ARHGAP35: variants seen among roughly 807,000 people sequenced by gnomAD.
ARHGAP35 encodes rho GTPase-activating protein 35.
In ARHGAP35, 15 loss-of-function variants were observed where a neutral mutation model predicts 111.1. The ratio of observed to expected loss-of-function variants is 0.13; its 90% CI spans 0.09 to 0.21. The LOEUF is 0.21. Among genes scored for constraint, ARHGAP35 ranks in the 10% least tolerant of loss-of-function variants. The pLI is 1.00. For missense variants in ARHGAP35, 1,262 were observed against 1,873.0 expected, an observed-to-expected ratio of 0.67 and a Z score of 6.02; for synonymous variants, 643 against 710.3, an observed-to-expected ratio of 0.91 and a Z score of 1.51.
chr19:46,999,320 G>T lies in ARHGAP35; in HGVS notation c.4053G>T (p.Glu1351Asp). ...LVEAHKINDR[E>D]QKLHALKEVL... ...TCTCCTCAGAAATCAACGACCGGGA[G>T]CAGAAGTTGCATGCCCTTAAGGAGG... The change falls in exon 6 of 7, where the codon GAG becomes GAT. Residue 1351 changes from glutamate (E) to aspartate (D), a missense_variant. Physicochemically the swap from Glu to Asp is conservative, Grantham distance 45. Around this residue, in one of 8 missense-constraint regions of ARHGAP35, gnomAD observed 50 missense variants for 60.5 expected, o/e 0.83. Transcript: ENST00000672722. This position sits in a 1 kb window ranked among gnomAD's most constrained non-coding sequence, Gnocchi z 5.4. The T allele has an allele frequency of 6.3e-7, 1 of 1,589,134 alleles. No individual in the cohort carries two copies. Among genetic ancestry groups the T allele is most frequent in the African/African-American group, 1.3e-5 (1 of 74,534 alleles).
chr19:46,870,791 A>G (rs2055883522), intron 1 of ARHGAP35, among the ~76,000 whole-genome samples: 1 of 152,106 alleles, frequency 6.6e-6, no homozygotes, highest in Non-Finnish European at 1.5e-5. Context: ...GATGTTATGT[A>G]TATACAAGGT....
intron 1 of ARHGAP35, among the ~76,000 whole-genome samples, chr19:46,878,938 A>C (rs994043798): frequency 1.3e-5 from 2 of 152,190 alleles, no homozygotes; most frequent in Admixed American, 6.5e-5. Flanking sequence ...GCAGCAGTGA[A>C]GTTTGCTACA....
chr19:46,871,883 G>A (rs1282922466), intron 1 of ARHGAP35, among the ~76,000 whole-genome samples: 2 of 151,936 alleles, frequency 1.3e-5, no homozygotes, highest in Non-Finnish European at 2.9e-5. Context: ...GGGAGGCTGA[G>A]GCAGGAGAAT....
At chr19:46,893,418 C>T (rs2056036135) in intron 1 of ARHGAP35, among the ~76,000 whole-genome samples, 1 of 152,042 alleles carries the variant, frequency 6.6e-6, no homozygotes, top group South Asian at 2.1e-4. Flanking sequence ...TAGGTTGCCA[C>T]CAGACAAGAC....
chr19:46,865,149 A>G (rs1177502836), intron 1 of ARHGAP35, among the ~76,000 whole-genome samples: 1 of 152,180 alleles, frequency 6.6e-6, no homozygotes, highest in Non-Finnish European at 1.5e-5. Flanking sequence ...GTGCTACAGA[A>G]ATGTGAGGTG....
chr19:46,904,007 G>A (rs1284615879), intron 1 of ARHGAP35, among the ~76,000 whole-genome samples: 1 of 152,066 alleles, frequency 6.6e-6, no homozygotes, highest in African/African-American at 2.4e-5. Flanking sequence ...GTGAGGGGTG[G>A]AGATTATTGC....
rs1421321566 is a variant in ARHGAP35 at position 46,993,214 on chromosome 19, T to C, written c.4036+3539T>C. Reference sequence around the variant, plus strand: ...GAGTGAGGTCTTGGCCTTGGAGTTGTTTACCACCTGGGGCGGGGAGAGCCG... The same window carrying C: ...GAGTGAGGTCTTGGCCTTGGAGTTGCTTACCACCTGGGGCGGGGAGAGCCG... On this transcript the variant is annotated intron_variant, in intron 5 of 6. Coordinates refer to ENST00000672722, the MANE Select transcript of ARHGAP35 (RefSeq NM_004491.5). The surrounding 1 kb of genome is among the most constrained non-coding windows in gnomAD (Gnocchi z 4.6). 6.6e-6 allele frequency among the ~76,000 whole-genome samples: 1 copy of C among 152,244 alleles called. No homozygotes were observed. Among genetic ancestry groups the C allele is most frequent in the Non-Finnish European group, 1.5e-5 (1 of 68,038 alleles).
At chr19:46,904,004 G>T (rs560830242) in intron 1 of ARHGAP35, among the ~76,000 whole-genome samples, 2 of 152,190 alleles carry the variant, frequency 1.3e-5, no homozygotes, top group South Asian at 4.1e-4. Context: ...TTAGTGAGGG[G>T]TGGAGATTAT....
intron 1 of ARHGAP35, among the ~76,000 whole-genome samples, chr19:46,893,503 C>CTGAAGAA (rs1444483494): frequency 3.3e-5 from 5 of 151,968 alleles, no homozygotes; most frequent in African/African-American, 1.2e-4. Flanking sequence ...ATTCTGTCAT[C>CTGAAGAA]TGAAGAATGG....
intron 3 of ARHGAP35, among the ~76,000 whole-genome samples, chr19:46,971,150 A>G (rs777552448): frequency 1.3e-5 from 2 of 152,176 alleles, no homozygotes; most frequent in Non-Finnish European, 2.9e-5. Context: ...ACTGACGCCT[A>G]TAATGCCAGC....
intron 1 of ARHGAP35, among the ~76,000 whole-genome samples, chr19:46,906,193 C>T (rs1186305555): frequency 6.6e-6 from 1 of 152,030 alleles, no homozygotes; most frequent in Non-Finnish European, 1.5e-5. Flanking sequence ...GCATGGTGGC[C>T]CAGCTACTTG....
intron 1 of ARHGAP35, among the ~76,000 whole-genome samples, chr19:46,897,174 C>T (rs2056062034): frequency 6.6e-6 from 1 of 151,648 alleles, no homozygotes; most frequent in African/African-American, 2.4e-5. Context: ...GCTGGGGTTA[C>T]AGGCGTGAGC....
chr19:46,936,845 C>CT (rs570390790), intron 2 of ARHGAP35, among the ~76,000 whole-genome samples: 4,076 of 128,426 alleles, frequency 0.032, 95 homozygotes, highest in African/African-American at 0.049. Context: ...TTCTTGAAAT[C>CT]TTTTTTTTTT....
chr19:46,987,848 G>T (rs977513671), intron 3 of ARHGAP35, 141 bp from the exon 4 acceptor site: 1 of 660,244 alleles, frequency 1.5e-6, no homozygotes, highest in Non-Finnish European at 2.6e-6. Context: ...AAAATCAAAC[G>T]AGAGTGTGCT....
chr19:47,003,234 C>T lies in ARHGAP35; in HGVS notation c.*2546C>T, dbSNP rs112174007. On this transcript the variant is annotated 3_prime_UTR_variant, in exon 7 of 7. Transcript: ENST00000672722. ...CACTTGCATGGGAGCCACAGAGGAG[C>T]GTCCCTGGGGATTGTTGGGACCATG... is the stretch of plus-strand genomic sequence containing the variant. 0.032 allele frequency: 4,932 copies of T among 152,386 alleles called. 195 individuals are homozygous for T. The highest frequency in any genetic ancestry group is 0.092 in the African/African-American group (3,838 of 41,530). 9.4% of individuals were successfully genotyped at this position (152,386 alleles called of 1,614,324 possible).
intron 1 of ARHGAP35, among the ~76,000 whole-genome samples, chr19:46,878,481 G>A (rs2055939051): frequency 6.6e-6 from 1 of 151,728 alleles, no homozygotes; most frequent in South Asian, 2.1e-4. Flanking sequence ...ACCACGCTTG[G>A]CTAATTTTTG....
chr19:46,889,026 C>A (rs1409631444), intron 1 of ARHGAP35, among the ~76,000 whole-genome samples: 5 of 151,268 alleles, frequency 3.3e-5, no homozygotes, highest in African/African-American at 9.7e-5. Context: ...AAACAAAAAA[C>A]CCTGTTCTTG....
intron 1 of ARHGAP35, among the ~76,000 whole-genome samples, chr19:46,916,973 C>CT (rs1218917076): frequency 6.7e-6 from 1 of 149,714 alleles, no homozygotes; most frequent in African/African-American, 2.5e-5. Flanking sequence ...TTTTTTCAAT[C>CT]TTTTTTTTAC....
At chr19:46,952,763 G>A (rs916089810) in intron 3 of ARHGAP35, among the ~76,000 whole-genome samples, 3 of 152,116 alleles carry the variant, frequency 2.0e-5, no homozygotes, top group East Asian at 1.9e-4. Flanking sequence ...GTGCAGCCTC[G>A]ACCTCCTGGG....
Sources: gnomAD v4.1 joint callset for allele counts (sites outside exome capture counted in the v4.1 genomes callset) on GRCh38, gnomAD v4.1.1 for gene constraint, gnomAD v4.1.1 regional missense constraint, Gnocchi (gnomAD v3.1) non-coding constraint, MANE v1.5 for transcripts, NCBI Gene and HGNC (gene_info 2026-07-23, HGNC 2026-07-21) for gene names.